AGTPBP1: variants seen among roughly 807,000 people sequenced by gnomAD.
AGTPBP1 encodes ATP/GTP binding carboxypeptidase 1.
Under a neutral mutation model 143.9 loss-of-function variants are expected in AGTPBP1, and 70 were observed. The ratio of observed to expected loss-of-function variants is 0.49; its 90% confidence interval spans 0.40 to 0.59. AGTPBP1 has a LOEUF of 0.59. AGTPBP1 is among the 20% of genes least tolerant of loss of function. The probability of loss-of-function intolerance (pLI) is 0.00; values close to 1 mark genes in which losing one functional copy is unlikely to be tolerated. For synonymous variants in AGTPBP1, 463 were observed against 500.2 expected, an observed-to-expected ratio of 0.93 and a Z score of 0.99; for missense variants, 1,229 against 1,464.5, an observed-to-expected ratio of 0.84 and a Z score of 2.62.
chr9:85,694,751 T>C (rs559747298), intron 2 of AGTPBP1, among the ~76,000 whole-genome samples: 47 of 152,318 alleles, frequency 3.1e-4, no homozygotes, highest in African/African-American at 1.1e-3. Flanking sequence ...GCTGTAATTA[T>C]TATCTGTATG....
chr9:85,672,400 G>T, intron 7 of AGTPBP1, 150 bp downstream of exon 7: 2 of 882,076 alleles, frequency 2.3e-6, no homozygotes, highest in Non-Finnish European at 3.3e-6. Flanking sequence ...CACTTTTGTT[G>T]TGGTTGGAGT....
At chr9:85,711,767 G>A (rs1703600098) in intron 2 of AGTPBP1, among the ~76,000 whole-genome samples, 1 of 152,006 alleles carries the variant, frequency 6.6e-6, no homozygotes, top group Non-Finnish European at 1.5e-5. Context: ...GGGCCAAATA[G>A]TATATATTTT....
chr9:85,769,856 A>T, the AGTPBP1 span, among the ~76,000 whole-genome samples: 1 of 152,194 alleles, frequency 6.6e-6, no homozygotes, highest in Admixed American at 6.5e-5. Flanking sequence ...ATTGACACAC[A>T]ATATGCACTT....
intron 15 of AGTPBP1, among the ~76,000 whole-genome samples, 167 bp from the exon 16 acceptor site, chr9:85,619,468 A>G (rs988429252): frequency 2.0e-5 from 3 of 152,194 alleles, no homozygotes; most frequent in Non-Finnish European, 1.5e-5. Flanking sequence ...TTAAATGTGG[A>G]TAAGATTTAT....
intron 12 of AGTPBP1, among the ~76,000 whole-genome samples, chr9:85,643,711 A>T (rs1407684615): frequency 6.6e-6 from 1 of 152,196 alleles, no homozygotes; most frequent in East Asian, 1.9e-4. Context: ...CCTCAGAGAA[A>T]CAAGATATGT....
chr9:85,699,487 A>G (rs1033517681), intron 2 of AGTPBP1, among the ~76,000 whole-genome samples: 2 of 152,200 alleles, frequency 1.3e-5, no homozygotes, highest in African/African-American at 4.8e-5. Context: ...CAAGGGATAT[A>G]AAACCTATAT....
chr9:85,764,289 G>A, the AGTPBP1 span, among the ~76,000 whole-genome samples: 1 of 152,006 alleles, frequency 6.6e-6, no homozygotes, highest in African/African-American at 2.4e-5. Context: ...AGAACTTTGG[G>A]GGGCTGAGGC....
At chr9:85,748,997 CTTTTTTT>C in the AGTPBP1 span, among the ~76,000 whole-genome samples, 4 of 95,466 alleles carry the variant, frequency 4.2e-5, no homozygotes, top group African/African-American at 1.9e-4. Flanking sequence ...ATCTAGTGCA[CTTTTTTT>C]TTTTTTTTTT....
intron 25 of AGTPBP1, among the ~76,000 whole-genome samples, chr9:85,559,434 G>GA: frequency 7.3e-6 from 1 of 136,998 alleles, no homozygotes; most frequent in African/African-American, 2.7e-5. Flanking sequence ...TAAGATGACA[G>GA]TAAAAAAAAA....
intron 12 of AGTPBP1, among the ~76,000 whole-genome samples, chr9:85,643,604 T>C (rs1201009565): frequency 1.3e-5 from 2 of 152,176 alleles, no homozygotes; most frequent in Admixed American, 1.3e-4. Flanking sequence ...CACTCTGTTT[T>C]CAGTGGGGGA....
At chr9:85,773,281 A>G in the AGTPBP1 span, among the ~76,000 whole-genome samples, 443 of 147,044 alleles carry the variant, frequency 3.0e-3, 20 homozygotes, top group Admixed American at 0.025. Flanking sequence ...AAAAAAAAAA[A>G]AAAAAGAAAG....
chr9:85,561,285 C>G (rs916854097), intron 25 of AGTPBP1, among the ~76,000 whole-genome samples: 1 of 151,362 alleles, frequency 6.6e-6, no homozygotes, highest in Non-Finnish European at 1.5e-5. Flanking sequence ...TCGCTTGAAC[C>G]TGGGAGGCAG....
chr9:85,629,621 T>C (rs1426901463), intron 14 of AGTPBP1, among the ~76,000 whole-genome samples: 1 of 152,206 alleles, frequency 6.6e-6, no homozygotes, highest in Non-Finnish European at 1.5e-5. Flanking sequence ...ATACAGACAT[T>C]CACAGAGATA....
intron 25 of AGTPBP1, 61 bp from the exon 26 acceptor site, chr9:85,547,347 A>G (rs917587045): frequency 1.5e-6 from 2 of 1,379,292 alleles, no homozygotes; most frequent in African/African-American, 3.0e-5. Context: ...CTAATATAAG[A>G]TTATTTCACC....
chr9:85,662,946 G>C (rs1833929765), intron 8 of AGTPBP1, among the ~76,000 whole-genome samples: 5 of 152,070 alleles, frequency 3.3e-5, no homozygotes. Flanking sequence ...GAAAGATAGA[G>C]ATCCACAGAA....
intron 11 of AGTPBP1, among the ~76,000 whole-genome samples, chr9:85,653,619 A>G (rs1014942198): frequency 2.0e-5 from 3 of 152,118 alleles, no homozygotes; most frequent in African/African-American, 7.2e-5. Context: ...CCATAATCCT[A>G]TGTTGATGTA....
the AGTPBP1 span, among the ~76,000 whole-genome samples, chr9:85,801,072 G>A: frequency 6.6e-6 from 1 of 152,132 alleles, no homozygotes; most frequent in Non-Finnish European, 1.5e-5. Flanking sequence ...AGCACTTTGG[G>A]AGGCTGAGGT....
intron 13 of AGTPBP1, among the ~76,000 whole-genome samples, chr9:85,639,219 A>G (rs1254248492): frequency 1.3e-5 from 2 of 151,848 alleles, no homozygotes. Context: ...CCAATGAATC[A>G]AAAAAAATAA....
At chr9:85,609,457 A>ATT (rs1209606382) in intron 17 of AGTPBP1, among the ~76,000 whole-genome samples, 1 of 151,882 alleles carries the variant, frequency 6.6e-6, no homozygotes, top group Admixed American at 6.6e-5. Flanking sequence ...TCATTTTTGT[A>ATT]TTTTTAGTAG....
Sources: gnomAD v4.1 joint callset for allele counts (sites outside exome capture counted in the v4.1 genomes callset) on GRCh38, gnomAD v4.1.1 for gene constraint, MANE v1.5 for transcripts, NCBI Gene and HGNC (gene_info 2026-07-23, HGNC 2026-07-21) for gene names.